UQCC1: variants seen among roughly 807,000 people sequenced by gnomAD.
UQCC1 encodes ubiquinol-cytochrome c reductase complex assembly factor 1, also known as bFGF-repressed Zic-binding protein.
In UQCC1, 38 loss-of-function variants were observed where a neutral mutation model predicts 48.0. The observed-to-expected ratio is 0.79, with a 90% CI of 0.61 to 1.04. UQCC1 has a LOEUF of 1.04. Ranked by LOEUF, UQCC1 falls within the 50% of genes least tolerant of loss-of-function variation. The probability of loss-of-function intolerance (pLI) is 0.00; values close to 1 mark genes in which losing one functional copy is unlikely to be tolerated. For missense variants in UQCC1, 368 were observed against 381.8 expected (o/e 0.96, Z 0.30); for synonymous variants, 111 against 129.2 (o/e 0.86, Z 0.95).
chr20:35,381,278 C>A (rs1265011710), intron 4 of UQCC1, among the ~76,000 whole-genome samples: 2 of 152,054 alleles, frequency 1.3e-5, no homozygotes, highest in Non-Finnish European at 2.9e-5. Flanking sequence ...TAAAGAAAAT[C>A]CCTTATAAAA....
rs376086346 is a variant in UQCC1 at position 35,406,832 on chromosome 20, A to T, written c.24+5108T>A. 5.3e-5 allele frequency among the ~76,000 whole-genome samples: 8 copies of T among 152,244 alleles called. No individual in the cohort carries two copies. In the East Asian group the frequency reaches 1.5e-3, roughly 29 times the overall value. The stretch of plus-strand genomic sequence containing the variant: ...AAGATGTAATTTAGATGACAATAAC[A>T]CAATGTTCGGGAAGGAACAGAGCTA... On this transcript the variant is annotated intron_variant, in intron 1 of 9. Coordinates refer to ENST00000374385, the MANE Select transcript of UQCC1 (RefSeq NM_018244.5).
chr20:35,314,624 T>A, intron 8 of UQCC1, 64 bp downstream of exon 8: 1 of 1,403,064 alleles, frequency 7.1e-7, no homozygotes. Flanking sequence ...CCTCAGAGGC[T>A]CTCATCAAAA....
At chr20:35,312,393 C>T (rs1280828646) in intron 8 of UQCC1, among the ~76,000 whole-genome samples, 2 of 152,096 alleles carry the variant, frequency 1.3e-5, no homozygotes, top group African/African-American at 4.8e-5. Context: ...AGTTTCTTAA[C>T]TTTTGTCCTT....
At chr20:35,344,351 C>G (rs2061411089) in intron 7 of UQCC1, 1 of 152,384 alleles carries the variant, frequency 6.6e-6, no homozygotes, top group Non-Finnish European at 1.5e-5. Context: ...TAAAAGGTTC[C>G]TGCAGTCCAG....
At chr20:35,377,104 C>T (rs2079418177) in intron 4 of UQCC1, among the ~76,000 whole-genome samples, 1 of 152,130 alleles carries the variant, frequency 6.6e-6, no homozygotes, top group African/African-American at 2.4e-5. Context: ...AAATCAAAGT[C>T]ATTAGGAGAA....
intron 7 of UQCC1, among the ~76,000 whole-genome samples, chr20:35,334,218 G>C (rs1427995032): frequency 1.3e-5 from 2 of 152,156 alleles, no homozygotes; most frequent in Non-Finnish European, 2.9e-5. Flanking sequence ...AACCGAGTCT[G>C]AAGTGTCCTT....
intron 1 of UQCC1, 49 bp from the exon 2 acceptor site, chr20:35,394,245 A>T (rs756889471): frequency 4.7e-6 from 7 of 1,493,024 alleles, no homozygotes; most frequent in South Asian, 1.1e-5. Context: ...CATACTCCCT[A>T]CATGGAAGGC....
intron 7 of UQCC1, among the ~76,000 whole-genome samples, chr20:35,343,680 C>T (rs1273760298): frequency 6.6e-6 from 1 of 152,120 alleles, no homozygotes; most frequent in Admixed American, 6.5e-5. Context: ...GTAACTAAAC[C>T]GGAATTTGGG....
At chr20:35,368,807 C>T (rs73903058) in intron 5 of UQCC1, among the ~76,000 whole-genome samples, 2,226 of 152,244 alleles carry the variant, frequency 0.015, 50 homozygotes, top group African/African-American at 0.049. Flanking sequence ...GCTGTCAAGT[C>T]GACTTCCTCT....
intron 5 of UQCC1, among the ~76,000 whole-genome samples, chr20:35,371,816 C>T (rs1351250123): frequency 6.6e-6 from 1 of 151,282 alleles, no homozygotes; most frequent in Non-Finnish European, 1.5e-5. Flanking sequence ...TCAAGACCAG[C>T]CTGGGCAACA....
rs530720931 is a variant in UQCC1 at position 35,345,276 on chromosome 20, T to C, written c.573+1888A>G. 8 of 152,256 alleles carry C rather than the reference T, an allele frequency of 5.3e-5. No individual in the cohort carries two copies. In the South Asian group the frequency reaches 6.2e-4, roughly 12 times the overall value. The allele number at this position is 152,256 out of a possible 1,614,324, so 9.4% of individuals were successfully genotyped here. A position where few individuals can be genotyped will look rare whatever the true frequency, so the allele number is the denominator to read the frequency against. On this transcript the variant is annotated intron_variant, in intron 7 of 9. Transcript: ENST00000374385. ...AGGTAAAACAGCCTGGAGCTTGCAA[T>C]TGGTGTGGCAAGTTGGGGGCAGTCT...
chr20:35,389,035 C>G (rs1409190516), intron 2 of UQCC1, among the ~76,000 whole-genome samples: 2 of 151,634 alleles, frequency 1.3e-5, no homozygotes, highest in Non-Finnish European at 2.9e-5. Flanking sequence ...CACTGCACTC[C>G]CACCTGGGCA....
chr20:35,370,828 T>C (rs2146451713), intron 5 of UQCC1, among the ~76,000 whole-genome samples: 1 of 152,370 alleles, frequency 6.6e-6, no homozygotes, highest in East Asian at 1.9e-4. Flanking sequence ...CATTTTCTAA[T>C]TTGCAATTAC....
chr20:35,380,550 A>G (rs1310354516), intron 4 of UQCC1, among the ~76,000 whole-genome samples: 1 of 152,246 alleles, frequency 6.6e-6, no homozygotes, highest in Admixed American at 6.5e-5. Flanking sequence ...CACAAGTAGA[A>G]GTCTATAATA....
At chr20:35,313,674 C>T (rs894211445) in intron 8 of UQCC1, among the ~76,000 whole-genome samples, 4 of 152,058 alleles carry the variant, frequency 2.6e-5, no homozygotes, top group Admixed American at 6.6e-5. Context: ...AGTGCAGTGG[C>T]GCAATCTCAG....
chr20:35,406,850 C>G (rs1601042904), intron 1 of UQCC1, among the ~76,000 whole-genome samples: 1 of 152,054 alleles, frequency 6.6e-6, no homozygotes, highest in Non-Finnish European at 1.5e-5. Context: ...CGGGAAGGAA[C>G]AGAGCTATAT....
At chr20:35,353,913 C>A (rs2061518207) in intron 6 of UQCC1, among the ~76,000 whole-genome samples, 1 of 152,118 alleles carries the variant, frequency 6.6e-6, no homozygotes, top group Non-Finnish European at 1.5e-5. Context: ...TGGTAAATAT[C>A]TTATACAAGA....
intron 7 of UQCC1, among the ~76,000 whole-genome samples, chr20:35,341,394 T>C (rs910077361): frequency 6.6e-6 from 1 of 152,142 alleles, no homozygotes; most frequent in Non-Finnish European, 1.5e-5. Context: ...TTTCTTCCAA[T>C]ATTTAAGACT....
intron 2 of UQCC1, chr20:35,384,514 G>A: frequency 2.7e-6 from 1 of 371,182 alleles, no homozygotes; most frequent in Non-Finnish European, 5.2e-6. Flanking sequence ...GGTGGTGCAT[G>A]CCTATAGTCT....
Sources: gnomAD v4.1 joint callset for allele counts (sites outside exome capture counted in the v4.1 genomes callset) on GRCh38, gnomAD v4.1.1 for gene constraint, MANE v1.5 for transcripts, NCBI Gene and HGNC (gene_info 2026-07-23, HGNC 2026-07-21) for gene names.